SNX29: variants seen among roughly 807,000 people sequenced by gnomAD.
SNX29 encodes sorting nexin 29, also known as sorting nexin-29.
A neutral mutation model predicts 102.1 loss-of-function variants in SNX29; 78 were observed. The observed-to-expected ratio is 0.76, with a 90% CI of 0.64 to 0.92. SNX29 has a LOEUF of 0.92. Ranked by LOEUF, SNX29 falls within the 40% of genes least tolerant of loss-of-function variation. The pLI is 0.00. For synonymous variants in SNX29, 580 were observed against 414.5 expected, an observed-to-expected ratio of 1.40 and a Z score of -4.85; for missense variants, 1,280 against 1,061.7, an observed-to-expected ratio of 1.21 and a Z score of -2.86.
intron 14 of SNX29, among the ~76,000 whole-genome samples, chr16:12,222,858 G>T (rs7195833): frequency 6.6e-6 from 1 of 152,218 alleles, no homozygotes; most frequent in African/African-American, 2.4e-5. Context: ...TGTAAGCCAC[G>T]ACGCCCAGCC....
chr16:12,010,021 C>T (rs2056594367), intron 3 of SNX29, among the ~76,000 whole-genome samples: 1 of 152,174 alleles, frequency 6.6e-6, no homozygotes, highest in Non-Finnish European at 1.5e-5. Flanking sequence ...CTGGGTTTGC[C>T]AGTTCTGGGT....
At chr16:12,494,564 T>C (rs2088716843) in intron 19 of SNX29, among the ~76,000 whole-genome samples, 1 of 152,214 alleles carries the variant, frequency 6.6e-6, no homozygotes. Flanking sequence ...TTAAGTGTCC[T>C]GGCAGTACAG....
chr16:12,479,553 G>C (rs2087809921), intron 19 of SNX29, among the ~76,000 whole-genome samples: 2 of 152,204 alleles, frequency 1.3e-5, no homozygotes, highest in African/African-American at 2.4e-5. Flanking sequence ...AGGAAAAGTA[G>C]AGCTGAACCA....
chr16:12,078,133 A>G (rs963452386), intron 10 of SNX29, among the ~76,000 whole-genome samples: 4 of 152,190 alleles, frequency 2.6e-5, no homozygotes, highest in African/African-American at 9.6e-5. Context: ...AACTGTCGGC[A>G]GTACCACTTC....
intron 20 of SNX29, among the ~76,000 whole-genome samples, chr16:12,565,728 A>G (rs1276306401): frequency 1.3e-5 from 2 of 152,114 alleles, no homozygotes; most frequent in East Asian, 1.9e-4. Flanking sequence ...GCCCGGCTAC[A>G]AGTCCACCCC....
intron 13 of SNX29, among the ~76,000 whole-genome samples, chr16:12,147,872 G>A (rs888017311): frequency 2.0e-5 from 3 of 152,168 alleles, no homozygotes; most frequent in Admixed American, 1.3e-4. Context: ...TGACATCACT[G>A]CCAAGCAACT....
chr16:12,355,853 A>T (rs1195236143), intron 15 of SNX29, among the ~76,000 whole-genome samples: 893 of 30,842 alleles, frequency 0.029, 52 homozygotes, highest in Non-Finnish European at 0.05. Flanking sequence ...TAAAAAAAAA[A>T]AAAAAAAAAA....
chr16:12,563,124 G>C (rs927760678), intron 20 of SNX29, among the ~76,000 whole-genome samples: 7 of 152,130 alleles, frequency 4.6e-5, no homozygotes, highest in African/African-American at 1.7e-4. Context: ...GCCTAGGAAA[G>C]GTCGCCACAC....
chr16:12,372,131 G>T (rs984275208), intron 16 of SNX29, among the ~76,000 whole-genome samples: 1 of 152,148 alleles, frequency 6.6e-6, no homozygotes, highest in Admixed American at 6.5e-5. Context: ...CATATAGGCA[G>T]GCATATATAT....
At position 12,092,639 on chromosome 16, in the gene SNX29, C is replaced by T. The variant is rs550709582; in HGVS notation, c.1402+13724C>T. On this transcript the variant is annotated intron_variant, in intron 11 of 20. Transcript: ENST00000566228. ...GCTTGACCTCTCTGTGCCTCAGTTT[C>T]GCAAGCTATGAAGTGGAGGAGGCTT... is the stretch of plus-strand genomic sequence containing the variant. Among the ~76,000 whole-genome samples, 7 of 152,302 alleles carry T rather than the reference C, an allele frequency of 4.6e-5. No homozygotes were observed. The East Asian group carries it at 7.7e-4, about 17-fold the overall frequency.
In SNX29 at chr16:12,569,530, G is replaced by A. The variant is rs1262507294; in HGVS notation, c.*901G>A. 4.3e-6 allele frequency: 1 copy of A among 231,442 alleles called. No homozygotes were observed. Among genetic ancestry groups the A allele is most frequent in the Non-Finnish European group, 8.5e-6 (1 of 117,030 alleles). 14.3% of individuals were successfully genotyped at this position (231,442 alleles called of 1,614,324 possible). On this transcript the variant is annotated 3_prime_UTR_variant, in exon 21 of 21. Transcript: ENST00000566228. ...AACCAGGCTCCATGACTATGAAGTT[G>A]GACCCAGTGTGGACACTTAACAGAT...
Position 12,273,229 on chromosome 16 carries a change from C to T in SNX29, c.1679-4704C>T, listed in dbSNP as rs924273846. Among the ~76,000 whole-genome samples, 8 of 152,182 alleles carry T rather than the reference C, an allele frequency of 5.3e-5. No homozygotes were observed. The South Asian group carries it at 8.3e-4, about 16-fold the overall frequency. On this transcript the variant is annotated intron_variant, in intron 14 of 20. Coordinates refer to ENST00000566228, the MANE Select transcript of SNX29 (RefSeq NM_032167.5). Reference sequence around the variant, plus strand: ...TAGCCAGAAGCCTGCTGCTGGTGGGCCCACACTCTCCAACTCACTTTTTTT... The same window carrying T: ...TAGCCAGAAGCCTGCTGCTGGTGGGTCCACACTCTCCAACTCACTTTTTTT...
At chr16:12,475,584 C>G (rs946242315) in intron 18 of SNX29, among the ~76,000 whole-genome samples, 3 of 152,200 alleles carry the variant, frequency 2.0e-5, no homozygotes, top group Non-Finnish European at 4.4e-5. Context: ...TAGTGAACAT[C>G]ATAGCTCAGC....
At chr16:12,194,065 T>G (rs2076710875) in intron 13 of SNX29, among the ~76,000 whole-genome samples, 2 of 152,244 alleles carry the variant, frequency 1.3e-5, no homozygotes, top group South Asian at 2.1e-4. Context: ...ATTAAATTTA[T>G]AGATCAATTT....
At position 12,560,679 on chromosome 16, in the gene SNX29, C is replaced by T. The variant is rs547955678; in HGVS notation, c.2319-7827C>T. ...GCATCTTGGGGGCTGGGCTTGGATG[C>T]ATTTATATCTAGTCATCGACTCTGG... On this transcript the variant is annotated intron_variant, in intron 20 of 20. Transcript: ENST00000566228. The T allele has an allele frequency of 2.5e-5, 4 of 158,140 alleles. No individual in the cohort carries two copies. The East Asian group carries it at 4.7e-4, about 19-fold the overall frequency. 9.8% of individuals were successfully genotyped at this position (158,140 alleles called of 1,614,324 possible).
intron 19 of SNX29, among the ~76,000 whole-genome samples, chr16:12,498,844 T>C (rs1051725053): frequency 6.6e-6 from 1 of 152,210 alleles, no homozygotes; most frequent in African/African-American, 2.4e-5. Context: ...ATTGCTCAGT[T>C]CTGCTTGAAA....
chr16:12,256,619 G>A (rs1422797787), intron 14 of SNX29, among the ~76,000 whole-genome samples: 1 of 152,142 alleles, frequency 6.6e-6, no homozygotes, highest in Non-Finnish European at 1.5e-5. Flanking sequence ...GAGCCACTGC[G>A]CCCGGCCTCC....
chr16:12,535,047 AC>A (rs2077035523), intron 20 of SNX29, among the ~76,000 whole-genome samples: 1 of 152,218 alleles, frequency 6.6e-6, no homozygotes, highest in Admixed American at 6.5e-5. Flanking sequence ...AAAACCAGCT[AC>A]AAAGCACTGG....
At chr16:12,536,707 G>C (rs2902959) in intron 20 of SNX29, among the ~76,000 whole-genome samples, 1 of 152,164 alleles carries the variant, frequency 6.6e-6, no homozygotes, top group Non-Finnish European at 1.5e-5. Flanking sequence ...GCTGGACGTG[G>C]TGGCTCACGC....
Sources: allele counts gnomAD v4.1 joint callset (sites outside exome capture counted in the v4.1 genomes callset), GRCh38; gene constraint gnomAD v4.1.1; transcripts MANE v1.5; gene names NCBI Gene and HGNC (gene_info 2026-07-23, HGNC 2026-07-21).